The following NISCH variants were observed in gnomAD, a reference collection of about 807,000 sequenced individuals.
NISCH encodes the protein I-1 receptor candidate protein.
Under a neutral mutation model 138.4 loss-of-function variants are expected in NISCH, and 55 were observed. That is an observed-to-expected ratio of 0.40 (90% CI 0.32 to 0.50). The LOEUF (loss-of-function observed/expected upper bound fraction) is 0.50, where lower values mean the gene tolerates loss of function less well. Ranked by LOEUF, NISCH falls within the 20% of genes least tolerant of loss-of-function variation. NISCH has a pLI of 0.71. For missense variants in NISCH, 1,643 were observed against 2,005.5 expected (o/e 0.82, Z 3.45); for synonymous variants, 860 against 861.5 (o/e 1.00, Z 0.03).
chr3:52,481,962 C>T (rs1222607299), intron 13 of NISCH: 4 of 974,360 alleles, frequency 4.1e-6, no homozygotes, highest in Non-Finnish European at 4.9e-6. Context: ...GATCGGACCC[C>T]TAAGGACTCT....
chr3:52,464,365 C>T (rs1706720382), intron 3 of NISCH, among the ~76,000 whole-genome samples: 1 of 151,544 alleles, frequency 6.6e-6, no homozygotes, highest in African/African-American at 2.4e-5. Flanking sequence ...CCACTGCACT[C>T]CAGCCTGGGT....
chr3:52,484,462 T>TGGGGGCCCCCCC, intron 13 of NISCH, 51 bp from the exon 14 acceptor site: 10 of 788,670 alleles, frequency 1.3e-5, no homozygotes, highest in Non-Finnish European at 1.8e-5. Flanking sequence ...ACAGCCGCTC[T>TGGGGGCCCCCCC]CCCCGCCCCA....
intron 6 of NISCH, 126 bp from the exon 7 acceptor site, chr3:52,473,608 T>C (rs774039319): frequency 1.7e-6 from 1 of 587,854 alleles, no homozygotes; most frequent in Non-Finnish European, 3.0e-6. Flanking sequence ...TTGAGTGGCC[T>C]CCCATCTCTG....
intron 9 of NISCH, chr3:52,477,892 C>T (rs1246680711): frequency 2.9e-5 from 19 of 645,438 alleles, no homozygotes; most frequent in Non-Finnish European, 4.8e-5. Context: ...ATGTTTTCAA[C>T]GCCCACCCCA....
rs1239608632 is a variant in NISCH at position 52,455,685 on chromosome 3, C to G, written c.44C>G (p.Pro15Arg). 4 of 1,362,152 alleles carry G rather than the reference C, an allele frequency of 2.9e-6. No individual in the cohort carries two copies. The African/African-American group carries it at 4.5e-5, about 15-fold the overall frequency. 84.4% of individuals were successfully genotyped at this position (1,362,152 alleles called of 1,614,324 possible). ...TTCGGGCCCGAGCGGGAAGCCGAGC[C>G]GGCCAAGGAAGCGCGCGTCGTGGGC... ...RTFGPEREAE[P>R]AKEARVVGSE... is the part of the protein sequence containing the mutation. The change falls in exon 1 of 21, where the codon CCG becomes CGG. Residue 15 changes from proline (P) to arginine (R), a missense_variant. Transcript: ENST00000345716.
intron 8 of NISCH, 79 bp downstream of exon 8, chr3:52,476,678 T>C (rs1707106239): frequency 3.4e-6 from 5 of 1,456,544 alleles, no homozygotes; most frequent in Non-Finnish European, 4.8e-6. Context: ...TCAGCTTTTT[T>C]AGGAAGGACC....
chr3:52,468,001 T>G (rs1009626387), intron 3 of NISCH, among the ~76,000 whole-genome samples: 1 of 152,238 alleles, frequency 6.6e-6, no homozygotes, highest in Non-Finnish European at 1.5e-5. Context: ...GGCTCACGCC[T>G]GTAATCCCAG....
chr3:52,484,845 C>T (rs1209192601), intron 14 of NISCH, among the ~76,000 whole-genome samples: 3 of 152,042 alleles, frequency 2.0e-5, no homozygotes, highest in African/African-American at 7.2e-5. Context: ...GGTTTATTTT[C>T]AGCCTCCCTC....
chr3:52,477,563 T>G lies in NISCH; in HGVS notation c.919-11T>G, dbSNP rs994413703. 2 of 1,613,172 alleles carry G rather than the reference T, an allele frequency of 1.2e-6. No individual in the cohort carries two copies. Among genetic ancestry groups the G allele is most frequent in the African/African-American group, 1.3e-5 (1 of 74,930 alleles). On this transcript the variant is annotated splice_polypyrimidine_tract_variant and intron_variant, in intron 8 of 20. Coordinates refer to ENST00000345716, the MANE Select transcript of NISCH (RefSeq NM_007184.4). ...CCTACAGTAACATCGGGTGTTCTTT[T>G]CTTTCACAAGAAACTGATCCCAAAG... is the stretch of plus-strand genomic sequence containing the variant.
intron 3 of NISCH, among the ~76,000 whole-genome samples, chr3:52,464,669 C>T (rs1033814607): frequency 3.9e-5 from 6 of 152,036 alleles, no homozygotes; most frequent in South Asian, 2.1e-4. Context: ...GGACTACAGG[C>T]GTACGCAACC....
At position 52,455,659 on chromosome 3, in the gene NISCH, C is replaced by T; in HGVS notation, c.18C>T (p.Thr6=). The change falls in exon 1 of 21, where the codon ACC becomes ACT. Residue 6 remains threonine, a synonymous_variant. Coordinates refer to ENST00000345716, the MANE Select transcript of NISCH (RefSeq NM_007184.4). Reference sequence around the variant, plus strand: ...ACCCGAACATGGCGACCGCGCGCACCTTCGGGCCCGAGCGGGAAGCCGAGC... The same window carrying T: ...ACCCGAACATGGCGACCGCGCGCACTTTCGGGCCCGAGCGGGAAGCCGAGC... The part of the protein sequence containing the change: MATAR[T]FGPEREAEPA... The T allele has an allele frequency of 7.4e-7, 1 of 1,353,178 alleles. No homozygotes were observed. The allele number at this position is 1,353,178 out of a possible 1,614,324, so 83.8% of individuals were successfully genotyped here.
At chr3:52,480,628 C>T in intron 13 of NISCH, 2 of 1,424,870 alleles carry the variant, frequency 1.4e-6, no homozygotes, top group Non-Finnish European at 1.8e-6. Context: ...CCCTCACCGG[C>T]AGCACAAGCA....
chr3:52,472,187 G>C (rs980488794), intron 5 of NISCH, 116 bp from the exon 6 acceptor site: 1 of 1,097,200 alleles, frequency 9.1e-7, no homozygotes, highest in Non-Finnish European at 1.4e-6. Context: ...CCTGGCCTGA[G>C]CCTGCTTTGT....
chr3:52,492,346 GAGCC>G lies in NISCH; in HGVS notation c.4386_4389del (p.Ser1462ArgfsTer101). The G allele has an allele frequency of 6.2e-7, 1 of 1,613,442 alleles. No individual in the cohort carries two copies. Among genetic ancestry groups the G allele is most frequent in the Non-Finnish European group, 8.5e-7 (1 of 1,180,046 alleles). ...GGGGAGGTGCCAGGTGGCCCGGCTAGAGCCAGCCAGGGCCGTGAAGTCCAGTGGC... is the reference window on the plus strand; with the variant it reads ...GGGGAGGTGCCAGGTGGCCCGGCTAGAGCCAGGGCCGTGAAGTCCAGTGGC... On this transcript the variant is annotated frameshift_variant, in exon 21 of 21. Transcript: ENST00000345716. LOFTEE classifies it high-confidence loss of function.
chr3:52,462,033 A>T (rs1285863552), intron 3 of NISCH, among the ~76,000 whole-genome samples: 1 of 152,090 alleles, frequency 6.6e-6, no homozygotes, highest in African/African-American at 2.4e-5. Context: ...CTGAGGGTGG[A>T]AAGGCCTGGA....
rs17263770 is a variant in NISCH, at chr3:52,485,838, G to C, written c.1703+11G>C. 0.11 allele frequency: 177,010 copies of C among 1,572,140 alleles called. 10,813 individuals are homozygous for C. The highest frequency in any genetic ancestry group is 0.13 in the Non-Finnish European group (145,143 of 1,157,202). ...TGTTGGTGGTGCAAGGTAAGGAAGA[G>C]GTTGGAAAGGGACCTGGGCCTGGCC... On this transcript the variant is annotated intron_variant, in intron 15 of 20. Coordinates refer to ENST00000345716, the MANE Select transcript of NISCH (RefSeq NM_007184.4).
At chr3:52,468,264 A>G (rs1207959180) in intron 3 of NISCH, among the ~76,000 whole-genome samples, 1 of 152,202 alleles carries the variant, frequency 6.6e-6, no homozygotes, top group Non-Finnish European at 1.5e-5. Flanking sequence ...GTCTCAAAAA[A>G]AAGAAGTGTG....
Position 52,463,946 on chromosome 3 carries a change from C to T in NISCH, c.360+5102C>T, listed in dbSNP as rs576820262. On this transcript the variant is annotated intron_variant, in intron 3 of 20. Transcript: ENST00000345716. Reference sequence around the variant, plus strand: ...TTCACCATGTCGGCCAGGATGGTCTCGAACTTCTGGCCTCAAGTGATTCGC... The same window carrying T: ...TTCACCATGTCGGCCAGGATGGTCTTGAACTTCTGGCCTCAAGTGATTCGC... Among the ~76,000 whole-genome samples, 12 of 150,924 alleles carry T rather than the reference C, an allele frequency of 8.0e-5. 1 individual carries two copies. The Middle Eastern group carries it at 0.01, about 130-fold the overall frequency.
intron 16 of NISCH, 52 bp downstream of exon 16, chr3:52,488,657 G>A (rs1707477854): frequency 7.0e-7 from 1 of 1,432,562 alleles, no homozygotes; most frequent in Non-Finnish European, 9.4e-7. Context: ...TCTGGCATGT[G>A]TGTGATCTCA....
Sources: allele counts gnomAD v4.1 joint callset (sites outside exome capture counted in the v4.1 genomes callset), GRCh38; gene constraint gnomAD v4.1.1; transcripts MANE v1.5; gene names NCBI Gene and HGNC (gene_info 2026-07-23, HGNC 2026-07-21).